TBXAS1: variants seen among roughly 807,000 people sequenced by gnomAD.
TBXAS1 encodes the protein thromboxane A synthase 1, also known as thromboxane-A synthase.
TBXAS1 carries 48 observed loss-of-function variants against 60.7 expected under a neutral mutation model. That is an observed-to-expected ratio of 0.79 (90% CI 0.63 to 1.01). The LOEUF (loss-of-function observed/expected upper bound fraction) is 1.01. Ranked by LOEUF, TBXAS1 falls within the 50% of genes least tolerant of loss-of-function variation. The probability of loss-of-function intolerance (pLI) is 0.00; values close to 1 mark genes in which losing one functional copy is unlikely to be tolerated. For synonymous variants in TBXAS1, 287 were observed against 269.7 expected (o/e 1.06, Z -0.63); for missense variants, 685 against 686.3 (o/e 1.00, Z 0.02).
intron 9 of TBXAS1, 101 bp from the exon 10 acceptor site, chr7:140,006,986 ATGTT>A: frequency 8.9e-7 from 1 of 1,125,348 alleles, no homozygotes. Context: ...TTCTGTTTAA[ATGTT>A]TGCCAAAGTT....
At chr7:139,929,235 C>A (rs1231490385) in intron 4 of TBXAS1, among the ~76,000 whole-genome samples, 2 of 152,184 alleles carry the variant, frequency 1.3e-5, no homozygotes, top group African/African-American at 4.8e-5. Flanking sequence ...AGGGTGCGCC[C>A]TTACAGATGG....
At chr7:139,805,360 T>C (rs1797821184) in intron 4 of TBXAS1, among the ~76,000 whole-genome samples, 1 of 152,248 alleles carries the variant, frequency 6.6e-6, no homozygotes, top group Non-Finnish European at 1.5e-5. Context: ...GAATTCATGG[T>C]CTTAACTTTT....
At chr7:139,895,506 C>T (rs1424647967) in intron 3 of TBXAS1, among the ~76,000 whole-genome samples, 1 of 152,196 alleles carries the variant, frequency 6.6e-6, no homozygotes, top group Admixed American at 6.5e-5. Context: ...CCTACTCAGC[C>T]CGGCCACTGG....
intron 4 of TBXAS1, among the ~76,000 whole-genome samples, chr7:139,807,323 C>T (rs1797903021): frequency 6.6e-6 from 1 of 152,146 alleles, no homozygotes; most frequent in African/African-American, 2.4e-5. Flanking sequence ...CCTCCAGCCT[C>T]AGCCTCCTCC....
intron 1 of TBXAS1, among the ~76,000 whole-genome samples, chr7:139,858,567 G>C (rs1585649743): frequency 6.6e-6 from 1 of 152,198 alleles, no homozygotes; most frequent in Admixed American, 6.5e-5. Flanking sequence ...CCACTAGGCT[G>C]TAAGTGCCAC....
Position 139,929,087 on chromosome 7 carries a change from C to T in TBXAS1, c.334-7104C>T, listed in dbSNP as rs552311191. Reference sequence around the variant, plus strand: ...TGGTCAAGGGTCTAACGGAATAATGCGACATCATCTCAACACTATGTGCCA... The same window carrying T: ...TGGTCAAGGGTCTAACGGAATAATGTGACATCATCTCAACACTATGTGCCA... On this transcript the variant is annotated intron_variant, in intron 4 of 12. Transcript: ENST00000448866. 7.9e-5 allele frequency among the ~76,000 whole-genome samples: 12 copies of T among 152,292 alleles called. No homozygotes were observed. The South Asian group carries it at 1.0e-3, about 13-fold the overall frequency.
chr7:139,823,047 C>A (rs533989965), intron 4 of TBXAS1, among the ~76,000 whole-genome samples: 9 of 152,000 alleles, frequency 5.9e-5, no homozygotes, highest in Admixed American at 2.6e-4. Context: ...GTTTCCCATG[C>A]CTTTGAGCAA....
At chr7:139,973,257 C>G (rs1056842339) in intron 9 of TBXAS1, among the ~76,000 whole-genome samples, 8 of 152,158 alleles carry the variant, frequency 5.3e-5, no homozygotes, top group Non-Finnish European at 1.5e-5. Flanking sequence ...AAACTTACTA[C>G]CTATGTCCCC....
At chr7:139,840,822 G>A (rs758707709) in intron 1 of TBXAS1, among the ~76,000 whole-genome samples, 9 of 152,206 alleles carry the variant, frequency 5.9e-5, no homozygotes, top group Non-Finnish European at 1.3e-4. Context: ...CAGCTGTCTG[G>A]CAAGGTGGCA....
At chr7:139,796,367 C>G (rs994785997) in intron 4 of TBXAS1, among the ~76,000 whole-genome samples, 10 of 152,218 alleles carry the variant, frequency 6.6e-5, no homozygotes, top group Admixed American at 6.5e-4. Context: ...GCATACTGCA[C>G]TGTGAAACAA....
chr7:139,784,266 T>G (rs1011111562), intron 3 of TBXAS1, among the ~76,000 whole-genome samples: 4 of 151,142 alleles, frequency 2.6e-5, no homozygotes, highest in Admixed American at 2.0e-4. Flanking sequence ...CTTCCTTTCT[T>G]TCTTCCTTTC....
intron 3 of TBXAS1, among the ~76,000 whole-genome samples, chr7:139,785,015 C>T (rs946377429): frequency 2.6e-5 from 4 of 152,072 alleles, no homozygotes; most frequent in Admixed American, 2.6e-4. Context: ...AGGCAGAACC[C>T]CAAACCCACT....
chr7:139,886,468 T>C (rs1320751550), intron 3 of TBXAS1, among the ~76,000 whole-genome samples: 1 of 147,572 alleles, frequency 6.8e-6, no homozygotes, highest in East Asian at 2.0e-4. Flanking sequence ...GGCTGGTGAA[T>C]GGCTTGTCAT....
intron 9 of TBXAS1, among the ~76,000 whole-genome samples, chr7:139,985,309 C>T (rs929395400): frequency 2.0e-5 from 3 of 152,256 alleles, no homozygotes; most frequent in African/African-American, 7.2e-5. Flanking sequence ...ATCCACCCCC[C>T]ACCCCTCTAG....
At chr7:139,808,168 C>CAA (rs753070484) in intron 4 of TBXAS1, among the ~76,000 whole-genome samples, 18 of 137,330 alleles carry the variant, frequency 1.3e-4, no homozygotes, top group South Asian at 6.9e-4. Context: ...CCCATCTCTA[C>CAA]AAAAAAAAAA....
At chr7:139,917,066 C>T (rs1483308380) in intron 4 of TBXAS1, among the ~76,000 whole-genome samples, 1 of 152,220 alleles carries the variant, frequency 6.6e-6, no homozygotes, top group African/African-American at 2.4e-5. Flanking sequence ...CCATGCATGA[C>T]CTAGGGAAGC....
chr7:139,957,513 G>A (rs1162515101), intron 7 of TBXAS1, 121 bp from the exon 8 acceptor site: 13 of 1,311,424 alleles, frequency 9.9e-6, no homozygotes, highest in African/African-American at 1.5e-5. Flanking sequence ...GCGGCGGGGA[G>A]GGCAGGACTC....
chr7:139,938,245 G>A (rs1490806499), intron 5 of TBXAS1, among the ~76,000 whole-genome samples: 3 of 152,132 alleles, frequency 2.0e-5, no homozygotes, highest in African/African-American at 2.4e-5. Context: ...AGATGCAGCG[G>A]TTGGCCAGTG....
chr7:139,789,637 A>AT (rs34674309), intron 4 of TBXAS1: 5,848 of 135,510 alleles, frequency 0.043, 134 homozygotes, highest in Non-Finnish European at 0.062. Context: ...TCCTGTAAGC[A>AT]TTTTTTTTTT....
Sources: allele counts gnomAD v4.1 joint callset (sites outside exome capture counted in the v4.1 genomes callset), GRCh38; gene constraint gnomAD v4.1.1; transcripts MANE v1.5; gene names NCBI Gene and HGNC (gene_info 2026-07-23, HGNC 2026-07-21).